Variants in PTPRD observed in about 807,000 individuals in gnomAD.
The protein encoded by PTPRD is protein tyrosine phosphatase receptor type D.
Under a neutral mutation model 214.5 loss-of-function variants are expected in PTPRD, and 34 were observed. The observed-to-expected ratio is 0.16, with a 90% confidence interval of 0.12 to 0.21. PTPRD has a LOEUF of 0.21. Among genes scored for constraint, PTPRD ranks in the 10% least tolerant of loss-of-function variants. The pLI, the probability that PTPRD is intolerant of heterozygous loss-of-function variation, is 1.00. For synonymous variants in PTPRD, 1,128 were observed against 845.7 expected, an observed-to-expected ratio of 1.33 and a Z score of -5.79; for missense variants, 2,545 against 2,398.7, an observed-to-expected ratio of 1.06 and a Z score of -1.27.
intron 10 of PTPRD, among the ~76,000 whole-genome samples, chr9:9,019,317 A>AAAGAAAGAAAGAAAGAAAGGAAGG (rs1569429046): frequency 1.7e-5 from 2 of 116,850 alleles, no homozygotes; most frequent in African/African-American, 3.5e-5. Flanking sequence ...AGAAAGAAAG[A>AAAGAAAGAAAGAAAGAAAGGAAGG]AAGAAAGAAA....
chr9:8,510,528 C>G (rs2097656750), intron 21 of PTPRD, among the ~76,000 whole-genome samples: 1 of 152,110 alleles, frequency 6.6e-6, no homozygotes, highest in Non-Finnish European at 1.5e-5. Context: ...AGAAGTTGAT[C>G]ATGAACCTTC....
At position 8,329,959 on chromosome 9, in the gene PTPRD, G is replaced by GTGGATCGTATCTTGCTGGGCTC. The variant is rs1444009943; in HGVS notation, c.5534+1601_5534+1622dup. On this transcript the variant is annotated intron_variant, in intron 44 of 45. Transcript: ENST00000381196. The stretch of plus-strand genomic sequence containing the variant: ...TCGTATCTTGCTGGGCTCTGTGGGA[G>GTGGATCGTATCTTGCTGGGCTC]TGGATCGTATCTTGCTGGGCTCTGT... 6.6e-4 allele frequency among the ~76,000 whole-genome samples: 99 copies of GTGGATCGTATCTTGCTGGGCTC among 150,632 alleles called. 2 individuals are homozygous for GTGGATCGTATCTTGCTGGGCTC. The highest frequency in any genetic ancestry group is 1.1e-3 in the South Asian group (5 of 4,744).
intron 7 of PTPRD, among the ~76,000 whole-genome samples, chr9:9,583,645 T>C (rs749356713): frequency 6.6e-6 from 1 of 152,078 alleles, no homozygotes; most frequent in Non-Finnish European, 1.5e-5. Flanking sequence ...CTTTCATTTC[T>C]GGAGATAGTA....
intron 4 of PTPRD, among the ~76,000 whole-genome samples, chr9:10,006,381 G>C (rs1423303281): frequency 6.6e-6 from 1 of 151,954 alleles, no homozygotes; most frequent in East Asian, 1.9e-4. Context: ...GCTATATGCT[G>C]ATCCCACTTA....
intron 11 of PTPRD, among the ~76,000 whole-genome samples, chr9:8,764,796 A>C (rs1360527246): frequency 8.6e-6 from 1 of 116,110 alleles, no homozygotes; most frequent in African/African-American, 2.9e-5. Context: ...GTCTCAAAAT[A>C]ATAATAATAA....
At chr9:9,013,704 C>G (rs141378172) in intron 11 of PTPRD, among the ~76,000 whole-genome samples, 6 of 152,130 alleles carry the variant, frequency 3.9e-5, no homozygotes, top group African/African-American at 1.2e-4. Context: ...CTGATTCAAG[C>G]AGCCAAGTCG....
chr9:9,253,209 T>C (rs778128413), intron 9 of PTPRD, among the ~76,000 whole-genome samples: 6 of 152,038 alleles, frequency 3.9e-5, no homozygotes, highest in Non-Finnish European at 7.4e-5. Context: ...AGTGTAAATG[T>C]TTTTAGAAAG....
At chr9:8,358,143 GA>G (rs2077443779) in intron 39 of PTPRD, among the ~76,000 whole-genome samples, 1 of 152,142 alleles carries the variant, frequency 6.6e-6, no homozygotes, top group Non-Finnish European at 1.5e-5. Flanking sequence ...AGTTCTAAGG[GA>G]GGATGCAATG....
At chr9:10,314,873 C>T (rs1885998) in intron 3 of PTPRD, among the ~76,000 whole-genome samples, 4 of 151,992 alleles carry the variant, frequency 2.6e-5, no homozygotes, top group African/African-American at 9.6e-5. Context: ...AAGTATCACA[C>T]TCATCCTTTC....
At chr9:8,729,404 C>G (rs1452872190) in intron 12 of PTPRD, among the ~76,000 whole-genome samples, 1 of 151,634 alleles carries the variant, frequency 6.6e-6, no homozygotes, top group African/African-American at 2.4e-5. Context: ...ACAAGAAAAC[C>G]TGGCTTATCC....
intron 14 of PTPRD, among the ~76,000 whole-genome samples, chr9:8,600,345 G>T (rs2094772749): frequency 6.6e-6 from 1 of 152,146 alleles, no homozygotes; most frequent in Admixed American, 6.5e-5. Flanking sequence ...CACAAATACT[G>T]AAATTCCTAG....
At chr9:9,365,091 G>C (rs1004048553) in intron 9 of PTPRD, among the ~76,000 whole-genome samples, 8 of 151,454 alleles carry the variant, frequency 5.3e-5, no homozygotes, top group South Asian at 2.1e-4. Context: ...CCCTGTGCTG[G>C]AGAACACTGA....
At chr9:9,232,468 GAAGCTTAC>G (rs1328516072) in intron 9 of PTPRD, among the ~76,000 whole-genome samples, 1 of 152,088 alleles carries the variant, frequency 6.6e-6, no homozygotes, top group Non-Finnish European at 1.5e-5. Context: ...TCACAATAAT[GAAGCTTAC>G]AAGTACACGA....
chr9:10,119,780 C>T (rs2098760496), intron 3 of PTPRD, among the ~76,000 whole-genome samples: 1 of 151,984 alleles, frequency 6.6e-6, no homozygotes, highest in Non-Finnish European at 1.5e-5. Flanking sequence ...TAAAAGCAGT[C>T]ATGTGCATTA....
chr9:10,352,352 G>A (rs1453015231), intron 2 of PTPRD, among the ~76,000 whole-genome samples: 1 of 151,734 alleles, frequency 6.6e-6, no homozygotes, highest in African/African-American at 2.4e-5. Context: ...ACTTCAATTG[G>A]GCAGATTCTT....
intron 27 of PTPRD, among the ~76,000 whole-genome samples, chr9:8,492,620 A>G (rs903783467): frequency 6.7e-6 from 1 of 149,592 alleles, no homozygotes; most frequent in Non-Finnish European, 1.5e-5. Flanking sequence ...TGCTCAAAAA[A>G]AAAAAAAAAA....
chr9:9,736,469 T>C (rs1214648989), intron 6 of PTPRD, among the ~76,000 whole-genome samples: 1 of 152,070 alleles, frequency 6.6e-6, no homozygotes, highest in African/African-American at 2.4e-5. Flanking sequence ...CACTTTGGGG[T>C]TATTAAGAAT....
At chr9:9,621,615 C>G (rs1019299432) in intron 7 of PTPRD, among the ~76,000 whole-genome samples, 14 of 152,148 alleles carry the variant, frequency 9.2e-5, no homozygotes, top group African/African-American at 3.4e-4. Context: ...TCATAAATCC[C>G]AAATAGGCAT....
chr9:8,525,102 A>T, intron 17 of PTPRD, 67 bp from the exon 18 acceptor site: 1 of 1,330,532 alleles, frequency 7.5e-7, no homozygotes, highest in South Asian at 1.2e-5. Context: ...CAGAAAGCTA[A>T]ACCTCTTAAC....
Sources: gnomAD v4.1 joint callset for allele counts (sites outside exome capture counted in the v4.1 genomes callset) on GRCh38, gnomAD v4.1.1 for gene constraint, MANE v1.5 for transcripts, NCBI Gene and HGNC (gene_info 2026-07-23, HGNC 2026-07-21) for gene names.